The following MORC1 variants were observed in gnomAD, a reference collection of about 807,000 sequenced individuals.
The protein encoded by MORC1 is MORC family CW-type zinc finger protein 1.
Under a neutral mutation model 134.9 loss-of-function variants are expected in MORC1, and 59 were observed. That is an observed-to-expected ratio of 0.44 (90% CI 0.35 to 0.54). The LOEUF (loss-of-function observed/expected upper bound fraction) is 0.54, where lower values mean the gene tolerates loss of function less well. Among genes scored for constraint, MORC1 ranks in the 20% least tolerant of loss-of-function variants. The pLI, the probability that MORC1 is intolerant of heterozygous loss-of-function variation, is 0.00. For synonymous variants in MORC1, 395 were observed against 391.7 expected, an observed-to-expected ratio of 1.01 and a Z score of -0.10; for missense variants, 947 against 1,134.5, an observed-to-expected ratio of 0.83 and a Z score of 2.37.
At chr3:109,026,381 A>G (rs1949073753) in intron 17 of MORC1, among the ~76,000 whole-genome samples, 1 of 152,162 alleles carries the variant, frequency 6.6e-6, no homozygotes. Flanking sequence ...ACCAACAAAA[A>G]AGAATAAACA....
chr3:109,077,492 TC>T (rs1410988524), intron 8 of MORC1, among the ~76,000 whole-genome samples: 25 of 152,244 alleles, frequency 1.6e-4, no homozygotes, highest in African/African-American at 5.8e-4. Flanking sequence ...ACTAATTAAC[TC>T]TACAGTTTGA....
rs1245421357 is a variant in MORC1 at position 108,997,155 on chromosome 3, G to A, written c.2187+3402C>T. On this transcript the variant is annotated intron_variant, in intron 21 of 27. Coordinates refer to ENST00000232603, the MANE Select transcript of MORC1 (RefSeq NM_014429.4). ...TTAAATGGGAGGCATGGTGCAGAAC[G>A]AAATGCCAGACATTAGAAATGATCA... 3.6e-4 allele frequency among the ~76,000 whole-genome samples: 54 copies of A among 151,914 alleles called. 1 individual carries two copies. Among genetic ancestry groups the A allele is most frequent in the Admixed American group, 3.2e-3 (49 of 15,242 alleles).
intron 21 of MORC1, among the ~76,000 whole-genome samples, chr3:108,997,009 C>CAAAAAA (rs36087713): frequency 6.3e-5 from 2 of 31,560 alleles, no homozygotes; most frequent in African/African-American, 1.2e-4. Context: ...GACTCTGTCT[C>CAAAAAA]AAAAAAAAAA....
chr3:109,098,825 C>T (rs985090612), intron 6 of MORC1, among the ~76,000 whole-genome samples: 1 of 152,090 alleles, frequency 6.6e-6, no homozygotes, highest in Non-Finnish European at 1.5e-5. Flanking sequence ...CAGTACTAGG[C>T]AGAGAGTAGT....
chr3:109,090,010 C>CAT (rs1289914337), intron 8 of MORC1, among the ~76,000 whole-genome samples: 1 of 152,142 alleles, frequency 6.6e-6, no homozygotes, highest in East Asian at 1.9e-4. Flanking sequence ...CTCCGTAAGT[C>CAT]ATATTCACAA....
At chr3:108,979,775 A>C (rs1947662042) in intron 23 of MORC1, 108 bp from the exon 24 acceptor site, 1 of 1,323,302 alleles carries the variant, frequency 7.6e-7, no homozygotes. Flanking sequence ...TGAGAACAAG[A>C]ACATGCGTGT....
At chr3:108,986,176 G>C (rs115792051) in intron 22 of MORC1, among the ~76,000 whole-genome samples, 1,561 of 152,184 alleles carry the variant, frequency 0.01, 27 homozygotes, top group African/African-American at 0.034. Flanking sequence ...TGAAAATAAT[G>C]GATGTGTTTC....
At chr3:109,049,859 T>C (rs1949780787) in intron 14 of MORC1, among the ~76,000 whole-genome samples, 2 of 152,214 alleles carry the variant, frequency 1.3e-5, no homozygotes, top group Non-Finnish European at 2.9e-5. Context: ...TGGCACATTT[T>C]GTTTCCAGAT....
intron 17 of MORC1, 33 bp from the exon 18 acceptor site, chr3:109,007,124 TA>T: frequency 6.5e-7 from 1 of 1,545,550 alleles, no homozygotes; most frequent in Non-Finnish European, 8.9e-7. Context: ...AAGGCAAATG[TA>T]AGTAAAAATA....
At chr3:109,026,967 A>G (rs1268710161) in intron 17 of MORC1, among the ~76,000 whole-genome samples, 4 of 152,196 alleles carry the variant, frequency 2.6e-5, no homozygotes, top group African/African-American at 9.7e-5. Context: ...GTAATCTTCT[A>G]TGAGCCCAGG....
At chr3:109,032,552 C>A (rs2305236) in intron 16 of MORC1, among the ~76,000 whole-genome samples, 168 bp downstream of exon 16, 3 of 151,924 alleles carry the variant, frequency 2.0e-5, no homozygotes, top group African/African-American at 7.3e-5. Flanking sequence ...TGGAAAAGCA[C>A]GCCAATGAAA....
chr3:108,977,477 A>G (rs1947594423), intron 24 of MORC1, among the ~76,000 whole-genome samples: 1 of 152,146 alleles, frequency 6.6e-6, no homozygotes, highest in Non-Finnish European at 1.5e-5. Flanking sequence ...TTGGCCTCCC[A>G]AAGTACTGGG....
chr3:109,022,257 C>T (rs1948975929), intron 17 of MORC1, among the ~76,000 whole-genome samples: 1 of 152,138 alleles, frequency 6.6e-6, no homozygotes. Flanking sequence ...AGATTTGAAA[C>T]CTCAGCAGCC....
intron 2 of MORC1, among the ~76,000 whole-genome samples, chr3:109,111,272 A>G (rs1951164716): frequency 6.6e-6 from 1 of 152,282 alleles, no homozygotes; most frequent in East Asian, 1.9e-4. Flanking sequence ...CACGGACCAA[A>G]ATGGCCCATC....
At chr3:109,099,636 A>AATTTGAACT (rs1408951779) in intron 5 of MORC1, among the ~76,000 whole-genome samples, 170 bp from the exon 6 acceptor site, 5 of 152,030 alleles carry the variant, frequency 3.3e-5, no homozygotes, top group Admixed American at 1.3e-4. Flanking sequence ...AAAGCAGAAG[A>AATTTGAACT]ATTTGAACTA....
intron 17 of MORC1, among the ~76,000 whole-genome samples, chr3:109,011,820 C>T (rs140561256): frequency 7.7e-4 from 117 of 152,190 alleles, no homozygotes; most frequent in East Asian, 2.9e-3. Context: ...TGAGCCCAGC[C>T]GAGTTTTAAA....
At chr3:109,021,696 C>CT (rs981282532) in intron 17 of MORC1, among the ~76,000 whole-genome samples, 1 of 152,204 alleles carries the variant, frequency 6.6e-6, no homozygotes, top group African/African-American at 2.4e-5. Context: ...TTCTGATGCC[C>CT]TTTAATCATT....
At chr3:108,976,314 T>C (rs1313325393) in intron 24 of MORC1, among the ~76,000 whole-genome samples, 1 of 152,182 alleles carries the variant, frequency 6.6e-6, no homozygotes, top group African/African-American at 2.4e-5. Context: ...TACTACTCTT[T>C]TTTATCATGT....
chr3:108,976,342 T>C (rs918986174), intron 24 of MORC1, among the ~76,000 whole-genome samples: 1 of 152,190 alleles, frequency 6.6e-6, no homozygotes, highest in Admixed American at 6.5e-5. Flanking sequence ...AAGGTAAATA[T>C]GGTAAACAAT....
Sources: gnomAD v4.1 joint callset for allele counts (sites outside exome capture counted in the v4.1 genomes callset) on GRCh38, gnomAD v4.1.1 for gene constraint, MANE v1.5 for transcripts, NCBI Gene and HGNC (gene_info 2026-07-23, HGNC 2026-07-21) for gene names.